RCL1: variants seen among roughly 807,000 people sequenced by gnomAD.
The protein encoded by RCL1 is RNA terminal phosphate cyclase like 1, also known as RNA 3'-terminal phosphate cyclase-like protein.
Under a neutral mutation model 42.4 loss-of-function variants are expected in RCL1, and 24 were observed. The observed-to-expected ratio is 0.57, with a 90% CI of 0.41 to 0.80. RCL1 has a LOEUF of 0.80. Ranked by LOEUF, RCL1 falls within the 30% of genes least tolerant of loss-of-function variation. RCL1 has a pLI of 0.00. For missense variants in RCL1, 578 were observed against 467.9 expected (o/e 1.24, Z -2.17); for synonymous variants, 228 against 177.3 (o/e 1.29, Z -2.27).
At chr9:4,805,400 A>AGAAGGGGAAGGG (rs55663136) in intron 1 of RCL1, among the ~76,000 whole-genome samples, 60 of 150,254 alleles carry the variant, frequency 4.0e-4, no homozygotes, top group African/African-American at 1.2e-3. Flanking sequence ...AAGAAGAAGG[A>AGAAGGGGAAGGG]GAAGGGGAAG....
intron 5 of RCL1, among the ~76,000 whole-genome samples, chr9:4,838,797 T>G (rs1817221167): frequency 6.6e-6 from 1 of 152,258 alleles, no homozygotes; most frequent in African/African-American, 2.4e-5. Context: ...GTCCATAGCT[T>G]TCATCAGATT....
intron 5 of RCL1, among the ~76,000 whole-genome samples, chr9:4,836,010 G>T (rs990667849): frequency 6.6e-6 from 1 of 152,212 alleles, no homozygotes; most frequent in Non-Finnish European, 1.5e-5. Context: ...AGTTGTTACC[G>T]AGTTAGGATG....
At position 4,823,540 on chromosome 9, in the gene RCL1, C is replaced by G; in HGVS notation, c.137-8C>G. 1 of 1,604,504 alleles carries G rather than the reference C, an allele frequency of 6.2e-7. No homozygotes were observed. The highest frequency in any genetic ancestry group is 8.5e-7 in the Non-Finnish European group (1 of 1,175,916). On this transcript the variant is annotated splice_region_variant and splice_polypyrimidine_tract_variant and intron_variant, in intron 1 of 8. Coordinates refer to ENST00000381750, the MANE Select transcript of RCL1 (RefSeq NM_005772.5). ...TCTCTTTTCTTCACAGATTTTTTTT[C>G]TTCACAGATTTTGAAGCCAGCTTCA...
chr9:4,811,555 G>A (rs1816176921), intron 1 of RCL1, among the ~76,000 whole-genome samples: 1 of 152,020 alleles, frequency 6.6e-6, no homozygotes, highest in African/African-American at 2.4e-5. Context: ...TTAACATAAT[G>A]TTCTACAAAA....
At chr9:4,799,705 T>A (rs1020278676) in intron 1 of RCL1, among the ~76,000 whole-genome samples, 21 of 152,188 alleles carry the variant, frequency 1.4e-4, no homozygotes, top group African/African-American at 5.1e-4. Context: ...TATTATAAAT[T>A]AAAAAAATTT....
intron 3 of RCL1, among the ~76,000 whole-genome samples, chr9:4,832,342 C>A (rs527607770): frequency 6.6e-6 from 1 of 152,158 alleles, no homozygotes; most frequent in East Asian, 1.9e-4. Context: ...CATCACCTTC[C>A]CTTTAGCTGC....
Position 4,860,277 on chromosome 9 carries a change from AAC to A in RCL1, c.*3_*4del. 6.2e-7 allele frequency: 1 copy of A among 1,612,172 alleles called. No individual in the cohort carries two copies. Among genetic ancestry groups the A allele is most frequent in the Admixed American group, 1.7e-5 (1 of 59,574 alleles). On this transcript the variant is annotated 3_prime_UTR_variant, in exon 9 of 9. Transcript: ENST00000381750. ...AACCTTAGCAAGACCCTCAAGTGAT[AAC>A]CATCACAAGATAAGGCCCCAATGCC...
intron 3 of RCL1, among the ~76,000 whole-genome samples, chr9:4,831,687 G>A: frequency 6.6e-6 from 1 of 152,046 alleles, no homozygotes; most frequent in East Asian, 1.9e-4. Context: ...TCGGGCTGTA[G>A]CTTTAATATT....
Position 4,860,712 on chromosome 9 carries a change from A to G in RCL1, c.*437A>G, listed in dbSNP as rs116364576. ...CTCCTTGAGCCTTGGTTTTTGTTGT[A>G]GGGATTAAATGAGATAATATGAGTG... On this transcript the variant is annotated 3_prime_UTR_variant, in exon 9 of 9. Coordinates refer to ENST00000381750, the MANE Select transcript of RCL1 (RefSeq NM_005772.5). 0.023 allele frequency: 3,625 copies of G among 160,932 alleles called. 137 individuals carry two copies. Among genetic ancestry groups the G allele is most frequent in the African/African-American group, 0.08 (3,351 of 41,642 alleles). 10.0% of individuals were successfully genotyped at this position (160,932 alleles called of 1,614,324 possible). A position where few individuals can be genotyped will look rare whatever the true frequency, so the allele number is the denominator to read the frequency against.
At position 4,841,335 on chromosome 9, in the gene RCL1, A is replaced by T. The variant is rs529646754; in HGVS notation, c.688A>T (p.Met230Leu). The T allele has an allele frequency of 1.2e-6, 2 of 1,613,030 alleles. No individual in the cohort carries two copies. The highest frequency in any genetic ancestry group is 2.2e-5 in the South Asian group (2 of 91,038). Reference protein sequence around the residue: ...IPDIYIYTDHMKGVNSGKSPG... With the variant: ...IPDIYIYTDHLKGVNSGKSPG... ...TGATATCTATATTTACACAGATCAC[A>T]TGAAAGGAGTCAACTCTGGGAAGTA... Residue 230 changes from methionine (M) to leucine (L), a missense_variant, in exon 6 of 9, where the codon ATG becomes TTG. By Grantham distance (15) the Met-to-Leu change is conservative. Coordinates refer to ENST00000381750, the MANE Select transcript of RCL1 (RefSeq NM_005772.5).
At chr9:4,847,965 T>TC (rs766976641) in intron 7 of RCL1, among the ~76,000 whole-genome samples, 1 of 152,118 alleles carries the variant, frequency 6.6e-6, no homozygotes, top group East Asian at 1.9e-4. Context: ...AGGTGACACC[T>TC]CCCCCCAGCA....
chr9:4,836,931 C>T (rs1052279347), intron 5 of RCL1, among the ~76,000 whole-genome samples: 1 of 152,078 alleles, frequency 6.6e-6, no homozygotes, highest in Non-Finnish European at 1.5e-5. Context: ...ATGGTCTGTT[C>T]TCTGCATGGC....
intron 8 of RCL1, among the ~76,000 whole-genome samples, chr9:4,852,232 A>G (rs1397398509): frequency 6.6e-6 from 1 of 152,160 alleles, no homozygotes; most frequent in Non-Finnish European, 1.5e-5. Flanking sequence ...AGTAGAATAA[A>G]ATACTGTTGG....
At chr9:4,811,416 TC>T (rs1411645209) in intron 1 of RCL1, among the ~76,000 whole-genome samples, 3 of 152,190 alleles carry the variant, frequency 2.0e-5, no homozygotes, top group Non-Finnish European at 4.4e-5. Flanking sequence ...CCTTTGGCTA[TC>T]CTTCCTTCTC....
chr9:4,819,708 G>A (rs796707379), intron 1 of RCL1, among the ~76,000 whole-genome samples: 1 of 152,348 alleles, frequency 6.6e-6, no homozygotes, highest in African/African-American at 2.4e-5. Flanking sequence ...TCGGGAGGCT[G>A]AGGCAAGAGA....
chr9:4,830,738 C>T lies in RCL1; in HGVS notation c.385-2416C>T, dbSNP rs980328214. Among the ~76,000 whole-genome samples, 3 of 152,136 alleles carry T rather than the reference C, an allele frequency of 2.0e-5. No homozygotes were observed. The East Asian group carries it at 5.8e-4, about 29-fold the overall frequency. On this transcript the variant is annotated intron_variant, in intron 3 of 8. Coordinates refer to ENST00000381750, the MANE Select transcript of RCL1 (RefSeq NM_005772.5). ...ATATCTGTTTAATTCTTCTACCAACCCAGTGAGGTGGGTGTTTCAGACAAG... is the reference window on the plus strand; with the variant it reads ...ATATCTGTTTAATTCTTCTACCAACTCAGTGAGGTGGGTGTTTCAGACAAG...
chr9:4,850,819 C>T (rs891272269), intron 8 of RCL1, among the ~76,000 whole-genome samples: 2 of 152,064 alleles, frequency 1.3e-5, no homozygotes, highest in African/African-American at 4.8e-5. Flanking sequence ...AGGCGGCTGC[C>T]AGCTGTGTGG....
intron 1 of RCL1, among the ~76,000 whole-genome samples, chr9:4,813,046 G>C (rs1816235677): frequency 6.6e-6 from 1 of 152,048 alleles, no homozygotes; most frequent in Admixed American, 6.6e-5. Flanking sequence ...TTCCCGATTT[G>C]GATGCCCTTT....
chr9:4,795,435 A>G (rs1026115667), intron 1 of RCL1, among the ~76,000 whole-genome samples: 1 of 152,222 alleles, frequency 6.6e-6, no homozygotes, highest in Non-Finnish European at 1.5e-5. Context: ...GCATTTGCAG[A>G]TATACATGTA....
Sources: gnomAD v4.1 joint callset for allele counts (sites outside exome capture counted in the v4.1 genomes callset) on GRCh38, gnomAD v4.1.1 for gene constraint, MANE v1.5 for transcripts, NCBI Gene and HGNC (gene_info 2026-07-23, HGNC 2026-07-21) for gene names.